CRMP1: variants seen among roughly 807,000 people sequenced by gnomAD.
The protein encoded by CRMP1 is dihydropyrimidinase-related protein 1.
Under a neutral mutation model 68.3 loss-of-function variants are expected in CRMP1, and 19 were observed. The ratio of observed to expected loss-of-function variants is 0.28; its 90% CI spans 0.19 to 0.41. CRMP1 has a LOEUF of 0.41. CRMP1 is among the 10% of genes least tolerant of loss of function. The pLI, the probability that CRMP1 is intolerant of heterozygous loss-of-function variation, is 1.00. For missense variants in CRMP1, 791 were observed against 967.4 expected (o/e 0.82, Z 2.42); for synonymous variants, 439 against 399.6 (o/e 1.10, Z -1.18).
intron 11 of CRMP1, among the ~76,000 whole-genome samples, chr4:5,830,578 T>C (rs1577745790): frequency 6.6e-6 from 1 of 152,238 alleles, no homozygotes; most frequent in East Asian, 1.9e-4. Context: ...TCTAACACAA[T>C]TGGATGAGTA....
Position 5,891,727 on chromosome 4 carries a change from G to C in CRMP1, c.381+862C>G, listed in dbSNP as rs1427442028. Among the ~76,000 whole-genome samples the C allele has an allele frequency of 6.6e-6, 1 of 152,140 alleles. No homozygotes were observed. Among genetic ancestry groups the C allele is most frequent in the African/African-American group, 2.4e-5 (1 of 41,438 alleles). Reference sequence around the variant, plus strand: ...CTGGCACCTGACCCTGGCTCTCGTCGGTCCATCCAAAGGCTACGCCGTCCA... The same window carrying C: ...CTGGCACCTGACCCTGGCTCTCGTCCGTCCATCCAAAGGCTACGCCGTCCA... On this transcript the variant is annotated intron_variant, in intron 1 of 13. Transcript: ENST00000324989. This position sits in a 1 kb window ranked among gnomAD's most constrained non-coding sequence, Gnocchi z 5.2.
intron 1 of CRMP1, among the ~76,000 whole-genome samples, chr4:5,880,421 G>T (rs76441575): frequency 6.6e-6 from 1 of 152,140 alleles, no homozygotes; most frequent in Non-Finnish European, 1.5e-5. Flanking sequence ...TAATTTGGGG[G>T]CAGGTTCAAA....
chr4:5,892,922 C>G lies in CRMP1; in HGVS notation c.48G>C (p.Val16=), dbSNP rs1398279817. The change falls in exon 1 of 14, where the codon GTG becomes GTC. Residue 16 remains valine (V), a synonymous_variant. Coordinates refer to ENST00000324989, the MANE Select transcript of CRMP1 (RefSeq NM_001014809.3). The surrounding 1 kb of genome is among the most constrained non-coding windows in gnomAD (Gnocchi z 8.6). ...RAWNTEDDLP[V]YLARPGSAAQ... ...CCGCGCTGCCCGGCCGCGCCAGGTA[C>G]ACGGGCAGGTCGTCCTCGGTGTTCC... The G allele has an allele frequency of 2.3e-6, 3 of 1,327,328 alleles. No individual in the cohort carries two copies. Among genetic ancestry groups the G allele is most frequent in the Non-Finnish European group, 2.9e-6 (3 of 1,032,700 alleles). 82.2% of individuals were successfully genotyped at this position (1,327,328 alleles called of 1,614,324 possible).
chr4:5,871,679 GA>G (rs1052247297), intron 1 of CRMP1, among the ~76,000 whole-genome samples: 1 of 150,356 alleles, frequency 6.7e-6, no homozygotes, highest in Non-Finnish European at 1.5e-5. Context: ...CCAAAAAAAA[GA>G]AAAAAAAAGA....
rs112105934 is a variant in CRMP1 at position 5,858,940 on chromosome 4, C to T, written c.655+2086G>A. 0.017 allele frequency among the ~76,000 whole-genome samples: 2,583 copies of T among 152,246 alleles called. 68 individuals are homozygous for T. The highest frequency in any genetic ancestry group is 0.058 in the African/African-American group (2,423 of 41,536). On this transcript the variant is annotated intron_variant, in intron 3 of 13. Coordinates refer to ENST00000324989, the MANE Select transcript of CRMP1 (RefSeq NM_001014809.3). The surrounding 1 kb of genome is among the most constrained non-coding windows in gnomAD (Gnocchi z 5.5). ...CTCCTGGGGCTCTGCTTTTCTCTGCCCTCTTCTCCCGGTTAATTCCAACTC... is the reference window on the plus strand; with the variant it reads ...CTCCTGGGGCTCTGCTTTTCTCTGCTCTCTTCTCCCGGTTAATTCCAACTC...
At position 5,866,207 on chromosome 4, in the gene CRMP1, C is replaced by T. The variant is rs945065528; in HGVS notation, c.470+461G>A. 1.3e-5 allele frequency among the ~76,000 whole-genome samples: 2 copies of T among 152,276 alleles called. No homozygotes were observed. Among genetic ancestry groups the T allele is most frequent in the Middle Eastern group, 6.8e-3 (2 of 294 alleles). On this transcript the variant is annotated intron_variant, in intron 2 of 13. Transcript: ENST00000324989. This position sits in a 1 kb window ranked among gnomAD's most constrained non-coding sequence, Gnocchi z 5.9. The stretch of plus-strand genomic sequence containing the variant: ...AAGTGCCAAGGCTGGGCTTGGAAGC[C>T]ACACATTCCTCCTTCCTCTCTGCTC...
At position 5,888,268 on chromosome 4, in the gene CRMP1, GC is replaced by G; in HGVS notation, c.381+4320del. The G allele has an allele frequency of 1.6e-6, 2 of 1,278,188 alleles. No homozygotes were observed. The highest frequency in any genetic ancestry group is 1.5e-5 in the African/African-American group (1 of 65,348). 79.2% of individuals were successfully genotyped at this position (1,278,188 alleles called of 1,614,324 possible). The stretch of plus-strand genomic sequence containing the variant: ...GCTCTTCTTGCCCTGGTACGACATG[GC>G]CCCCTCTGGCGCCCTCGGCCCGGCC... On this transcript the variant is annotated intron_variant, in intron 1 of 13. Transcript: ENST00000324989. This position sits in a 1 kb window ranked among gnomAD's most constrained non-coding sequence, Gnocchi z 6.4.
chr4:5,868,271 A>G (rs369780356), intron 1 of CRMP1, among the ~76,000 whole-genome samples: 2 of 24,676 alleles, frequency 8.1e-5, no homozygotes, highest in African/African-American at 2.4e-4. Flanking sequence ...CTATATATAT[A>G]TATATATATA....
chr4:5,824,235 G>T, intron 13 of CRMP1: 1 of 949,642 alleles, frequency 1.1e-6, no homozygotes. Flanking sequence ...CACCCAGATA[G>T]CTTTTTCCCA....
rs761909435 is a variant in CRMP1 at position 5,872,415 on chromosome 4, G to A, written c.382-5659C>T. On this transcript the variant is annotated intron_variant, in intron 1 of 13. Transcript: ENST00000324989. The surrounding 1 kb of genome is among the most constrained non-coding windows in gnomAD (Gnocchi z 4.6). The stretch of plus-strand genomic sequence containing the variant: ...ATTATGTATAACCTAGGCCAGGTGC[G>A]GTGGCTCACGCCTGTAATCCCAGCA... 3.3e-5 allele frequency among the ~76,000 whole-genome samples: 5 copies of A among 152,152 alleles called. No individual in the cohort carries two copies. In the South Asian group the frequency reaches 6.2e-4, roughly 19 times the overall value.
At chr4:5,869,434 G>T (rs1446882739) in intron 1 of CRMP1, among the ~76,000 whole-genome samples, 1 of 152,112 alleles carries the variant, frequency 6.6e-6, no homozygotes, top group African/African-American at 2.4e-5. Flanking sequence ...TGTAATCCCA[G>T]CACTTTGGGA....
chr4:5,875,397 A>AG (rs1714737409), intron 1 of CRMP1, among the ~76,000 whole-genome samples: 1 of 30,202 alleles, frequency 3.3e-5, no homozygotes, highest in Non-Finnish European at 6.2e-5. Context: ...TCTAGATTTT[A>AG]GAAAAAAAAA....
At chr4:5,836,704 C>T in intron 10 of CRMP1, 61 bp downstream of exon 10, 3 of 1,612,472 alleles carry the variant, frequency 1.9e-6, no homozygotes, top group Non-Finnish European at 2.5e-6. Flanking sequence ...CATAATGCAT[C>T]GGCTTTCACA....
In CRMP1 at chr4:5,825,173, ATGTT is replaced by A; in HGVS notation, c.1969+317_1969+320del. 1.0e-6 allele frequency: 1 copy of A among 985,370 alleles called. No individual in the cohort carries two copies. Among genetic ancestry groups the A allele is most frequent in the Non-Finnish European group, 1.2e-6 (1 of 829,922 alleles). 61.0% of individuals were successfully genotyped at this position (985,370 alleles called of 1,614,324 possible). A position where few individuals can be genotyped will look rare whatever the true frequency, so the allele number is the denominator to read the frequency against. On this transcript the variant is annotated intron_variant, in intron 13 of 13. Transcript: ENST00000324989. The surrounding 1 kb of genome is among the most constrained non-coding windows in gnomAD (Gnocchi z 4.4). The stretch of plus-strand genomic sequence containing the variant: ...ATCTCTTGTTCATCCCCACCACTCC[ATGTT>A]TACTTTCATGAGGAAGAGTGTGAAA...
intron 6 of CRMP1, among the ~76,000 whole-genome samples, chr4:5,845,275 C>A (rs1186043935): frequency 1.3e-5 from 2 of 152,302 alleles, no homozygotes; most frequent in South Asian, 4.1e-4. Flanking sequence ...ATGAGCAGAA[C>A]AAGACAAAAG....
chr4:5,872,199 C>T lies in CRMP1; in HGVS notation c.382-5443G>A, dbSNP rs1338235244. ...GCCTTCTAAGGCTGCCTTTCTCATG[C>T]AGGAAATATGAGTGCACAGAACTGT... is the stretch of plus-strand genomic sequence containing the variant. On this transcript the variant is annotated intron_variant, in intron 1 of 13. Transcript: ENST00000324989. The surrounding 1 kb of genome is among the most constrained non-coding windows in gnomAD (Gnocchi z 4.6). 6.6e-6 allele frequency among the ~76,000 whole-genome samples: 1 copy of T among 151,974 alleles called. No homozygotes were observed. The highest frequency in any genetic ancestry group is 1.9e-4 in the East Asian group (1 of 5,194).
intron 5 of CRMP1, 126 bp from the exon 6 acceptor site, chr4:5,849,598 A>C: frequency 1.6e-6 from 1 of 631,164 alleles, no homozygotes; most frequent in South Asian, 1.9e-5. Flanking sequence ...CTGCAAACAC[A>C]TTCATGTGGA....
intron 1 of CRMP1, among the ~76,000 whole-genome samples, chr4:5,868,290 T>TATATATATATATAG (rs1205965019): frequency 7.6e-6 from 1 of 131,394 alleles, no homozygotes; most frequent in African/African-American, 3.3e-5. Flanking sequence ...TATATATATA[T>TATATATATATATAG]ATATATATAT....
At chr4:5,856,397 A>G in intron 3 of CRMP1, 90 bp from the exon 4 acceptor site, 2 of 1,221,660 alleles carry the variant, frequency 1.6e-6, no homozygotes, top group East Asian at 4.9e-5. Context: ...CATCACCATC[A>G]TTACCATCAC....
Sources: gnomAD v4.1 joint callset for allele counts (sites outside exome capture counted in the v4.1 genomes callset) on GRCh38, gnomAD v4.1.1 for gene constraint, Gnocchi (gnomAD v3.1) non-coding constraint, MANE v1.5 for transcripts, NCBI Gene and HGNC (gene_info 2026-07-23, HGNC 2026-07-21) for gene names.